The following SHISAL1 variants were observed in gnomAD, a reference collection of about 807,000 sequenced individuals.
SHISAL1 encodes the protein shisa like 1.
Under a neutral mutation model 22.6 loss-of-function variants are expected in SHISAL1, and 9 were observed. That is an observed-to-expected ratio of 0.40 (90% CI 0.24 to 0.70). The LOEUF is 0.70. SHISAL1 is among the 30% of genes least tolerant of loss of function. SHISAL1 has a pLI of 0.39. For missense variants in SHISAL1, 246 were observed against 270.6 expected (o/e 0.91, Z 0.64); for synonymous variants, 119 against 115.4 (o/e 1.03, Z -0.20).
At chr22:44,261,807 C>T (rs1038717565) in intron 4 of SHISAL1, among the ~76,000 whole-genome samples, 2 of 152,264 alleles carry the variant, frequency 1.3e-5, no homozygotes, top group Non-Finnish European at 2.9e-5. Flanking sequence ...GAGCACTCGC[C>T]TGCCCTGATG....
the SHISAL1 span, among the ~76,000 whole-genome samples, chr22:44,321,079 G>A: frequency 6.6e-6 from 1 of 152,144 alleles, no homozygotes; most frequent in Non-Finnish European, 1.5e-5. Flanking sequence ...GTCCAGCCAC[G>A]ATGGTGGATT....
chr22:44,306,355 G>A (rs913752344), intron 1 of SHISAL1, among the ~76,000 whole-genome samples: 3 of 147,808 alleles, frequency 2.0e-5, no homozygotes, highest in East Asian at 2.1e-4. Context: ...GGGGAGCTGT[G>A]ATGACGATGG....
At chr22:44,292,137 CT>C (rs1271902693) in intron 3 of SHISAL1, among the ~76,000 whole-genome samples, 2 of 152,238 alleles carry the variant, frequency 1.3e-5, no homozygotes, top group Admixed American at 6.5e-5. Flanking sequence ...CTCCTTTTCC[CT>C]GTCACCAGCC....
chr22:44,301,444 C>T (rs896126999), intron 1 of SHISAL1, among the ~76,000 whole-genome samples: 1 of 152,204 alleles, frequency 6.6e-6, no homozygotes, highest in African/African-American at 2.4e-5. Flanking sequence ...ACAAGGCACA[C>T]AGCAGTGCAT....
At chr22:44,327,321 C>G in the SHISAL1 span, among the ~76,000 whole-genome samples, 1 of 152,098 alleles carries the variant, frequency 6.6e-6, no homozygotes. Flanking sequence ...CCTGGTCTGA[C>G]GCTTTCAGAG....
chr22:44,283,687 C>G (rs905204825), intron 4 of SHISAL1, among the ~76,000 whole-genome samples: 47 of 152,126 alleles, frequency 3.1e-4, no homozygotes, highest in Admixed American at 8.5e-4. Context: ...AATGTATGTG[C>G]ATGCAAAAGG....
At chr22:44,317,053 G>A (rs1391424927), upstream of SHISAL1, among the ~76,000 whole-genome samples, 1 of 152,198 alleles carries the variant, frequency 6.6e-6, no homozygotes, top group Non-Finnish European at 1.5e-5. Context: ...GGATGGTGCT[G>A]AGCCAGCTCC....
intron 4 of SHISAL1, 40 bp from the exon 5 acceptor site, chr22:44,249,725 T>C: frequency 2.6e-6 from 2 of 778,600 alleles, no homozygotes; most frequent in Non-Finnish European, 4.8e-6. Context: ...ACATGGTGTC[T>C]CCTCCATGGG....
At chr22:44,331,278 G>A in the SHISAL1 span, among the ~76,000 whole-genome samples, 1 of 150,574 alleles carries the variant, frequency 6.6e-6, no homozygotes, top group South Asian at 2.1e-4. The surrounding 1 kb of genome is among the most constrained non-coding windows in gnomAD (Gnocchi z 5.2). Flanking sequence ...AAGAGCCCCG[G>A]ACCCCCGTCA....
At chr22:44,330,507 C>T in the SHISAL1 span, among the ~76,000 whole-genome samples, 30 of 152,314 alleles carry the variant, frequency 2.0e-4, no homozygotes, top group East Asian at 5.2e-3. Context: ...AACTCCCCTT[C>T]CCTGTCGGAT....
At chr22:44,296,137 G>T (rs1971093185) in intron 3 of SHISAL1, among the ~76,000 whole-genome samples, 1 of 151,644 alleles carries the variant, frequency 6.6e-6, no homozygotes, top group African/African-American at 2.4e-5. Context: ...AGTATTCTGT[G>T]TCCCTCCCTC....
chr22:44,311,715 C>G lies in SHISAL1; in HGVS notation c.-33+1036G>C, dbSNP rs575091917. 3.9e-5 allele frequency among the ~76,000 whole-genome samples: 6 copies of G among 152,348 alleles called. No individual in the cohort carries two copies. The South Asian group carries it at 1.2e-3, about 32-fold the overall frequency. On this transcript the variant is annotated intron_variant, in intron 1 of 4. Coordinates refer to ENST00000381176, the MANE Select transcript of SHISAL1 (RefSeq NM_001099294.2). ...CTGGAAACCCCAACCCTGCTGAAGG[C>G]CCTAGATGCCCCACTGTCCTCCAGG...
chr22:44,327,089 G>C, the SHISAL1 span, among the ~76,000 whole-genome samples: 1 of 152,204 alleles, frequency 6.6e-6, no homozygotes, highest in South Asian at 2.1e-4. Flanking sequence ...TCTGAATATG[G>C]GGAAGCAGAT....
At chr22:44,317,296 G>A (rs532447335), upstream of SHISAL1, among the ~76,000 whole-genome samples, 640 of 152,356 alleles carry the variant, frequency 4.2e-3, 5 homozygotes, top group African/African-American at 0.014. Context: ...AGCAGGGCCC[G>A]GCCAGCCACA....
chr22:44,317,635 G>A (rs975922087), upstream of SHISAL1, among the ~76,000 whole-genome samples: 1 of 152,218 alleles, frequency 6.6e-6, no homozygotes, highest in Non-Finnish European at 1.5e-5. Flanking sequence ...TTGCTCTGTG[G>A]GCTGTTCCCA....
chr22:44,262,172 A>G (rs1322094923), intron 4 of SHISAL1, among the ~76,000 whole-genome samples: 2 of 152,222 alleles, frequency 1.3e-5, no homozygotes, highest in African/African-American at 4.8e-5. Context: ...GGGAGCAGCC[A>G]CAGAGCTGGG....
intron 4 of SHISAL1, among the ~76,000 whole-genome samples, chr22:44,257,079 G>T (rs187573089): frequency 6.6e-6 from 1 of 152,218 alleles, no homozygotes; most frequent in East Asian, 1.9e-4. Flanking sequence ...AGCGCCCGAC[G>T]CGTGTGCTGG....
Position 44,249,519 on chromosome 22 carries a change from T to A in SHISAL1, c.*166A>T. The A allele has an allele frequency of 5.8e-6, 3 of 520,258 alleles. No individual in the cohort carries two copies. The highest frequency in any genetic ancestry group is 3.3e-5 in the East Asian group (1 of 30,272). 32.2% of individuals were successfully genotyped at this position (520,258 alleles called of 1,614,324 possible). On this transcript the variant is annotated 3_prime_UTR_variant, in exon 5 of 5. Transcript: ENST00000381176. ...CCTACCCCTGAGTTTGCTCCTAATC[T>A]TAGAAGTCCGCGGAAGGGGGCTTTG... is the stretch of plus-strand genomic sequence containing the variant.
chr22:44,253,093 A>T (rs2055060089), intron 4 of SHISAL1, among the ~76,000 whole-genome samples: 1 of 152,218 alleles, frequency 6.6e-6, no homozygotes, highest in South Asian at 2.1e-4. Flanking sequence ...GAAGTACTTA[A>T]TACCCCTGAA....
Sources: allele counts gnomAD v4.1 joint callset (sites outside exome capture counted in the v4.1 genomes callset), GRCh38; gene constraint gnomAD v4.1.1; non-coding constraint Gnocchi (gnomAD v3.1); transcripts MANE v1.5; gene names NCBI Gene and HGNC (gene_info 2026-07-23, HGNC 2026-07-21).